Variants in FER observed in about 807,000 individuals in gnomAD.
FER encodes the protein tyrosine-protein kinase Fer.
In FER, 63 loss-of-function variants were observed where a neutral mutation model predicts 111.0. The observed-to-expected ratio is 0.57, with a 90% CI of 0.46 to 0.70. The LOEUF (loss-of-function observed/expected upper bound fraction) is 0.70. Among genes scored for constraint, FER ranks in the 30% least tolerant of loss-of-function variants. FER has a pLI of 0.00. For synonymous variants in FER, 327 were observed against 313.9 expected (o/e 1.04, Z -0.44); for missense variants, 914 against 954.0 (o/e 0.96, Z 0.55).
At chr5:109,040,865 A>G (rs1412500567) in intron 14 of FER, among the ~76,000 whole-genome samples, 5 of 152,166 alleles carry the variant, frequency 3.3e-5, no homozygotes, top group East Asian at 1.9e-4. Flanking sequence ...TTAGTTCACA[A>G]TGGAGGATTG....
intron 13 of FER, among the ~76,000 whole-genome samples, chr5:108,974,845 G>A (rs1444500908): frequency 6.6e-6 from 1 of 152,150 alleles, no homozygotes; most frequent in Non-Finnish European, 1.5e-5. Flanking sequence ...CTTATAACCT[G>A]CAAAAAGAAC....
At chr5:108,823,429 C>T (rs1034264547) in intron 3 of FER, among the ~76,000 whole-genome samples, 3 of 152,160 alleles carry the variant, frequency 2.0e-5, no homozygotes, top group Non-Finnish European at 2.9e-5. Context: ...TTCTTCACAT[C>T]TTTGTCAACA....
At chr5:108,848,456 T>C (rs868006480) in intron 5 of FER, among the ~76,000 whole-genome samples, 1 of 152,156 alleles carries the variant, frequency 6.6e-6, no homozygotes, top group African/African-American at 2.4e-5. Flanking sequence ...AAGATTCTTA[T>C]CTCTTCTGCT....
intron 13 of FER, among the ~76,000 whole-genome samples, chr5:108,962,281 TC>T (rs1759247978): frequency 1.3e-5 from 2 of 152,198 alleles, no homozygotes; most frequent in African/African-American, 4.8e-5. Context: ...GGGTTATTAA[TC>T]ACCCGTTATC....
intron 9 of FER, among the ~76,000 whole-genome samples, chr5:108,885,733 G>C (rs914565707): frequency 6.6e-6 from 1 of 151,718 alleles, no homozygotes; most frequent in African/African-American, 2.4e-5. Flanking sequence ...TGTATTAGGA[G>C]TTTTCAACAT....
intron 13 of FER, among the ~76,000 whole-genome samples, chr5:109,026,179 A>T (rs1768706074): frequency 6.6e-6 from 1 of 152,182 alleles, no homozygotes; most frequent in Non-Finnish European, 1.5e-5. Flanking sequence ...AGAACCAATT[A>T]AAATCCTTTC....
chr5:109,100,223 G>C (rs1748063018), intron 16 of FER, among the ~76,000 whole-genome samples, 173 bp from the exon 17 acceptor site: 1 of 151,772 alleles, frequency 6.6e-6, no homozygotes, highest in African/African-American at 2.4e-5. Flanking sequence ...TTTCTAATAT[G>C]TTGTGTTCTT....
At chr5:108,927,250 C>CTTTTTTTTTTTTTTTTTTTTT (rs773963733) in intron 10 of FER, among the ~76,000 whole-genome samples, 5 of 95,356 alleles carry the variant, frequency 5.2e-5, no homozygotes, top group African/African-American at 7.4e-5. Context: ...TGAGAAGTGG[C>CTTTTTTTTTTTTTTTTTTTTT]TCTTTTTTTT....
chr5:108,818,446 A>G (rs1413849613), intron 3 of FER, among the ~76,000 whole-genome samples: 2 of 152,146 alleles, frequency 1.3e-5, no homozygotes, highest in Non-Finnish European at 2.9e-5. Context: ...TCCAAAAAAA[A>G]GATAAAAAGA....
intron 16 of FER, among the ~76,000 whole-genome samples, chr5:109,047,437 C>A (rs761041754): frequency 6.6e-6 from 1 of 152,096 alleles, no homozygotes; most frequent in Non-Finnish European, 1.5e-5. Flanking sequence ...AATATAGTTA[C>A]ACATGGAATT....
At chr5:109,118,306 A>G (rs1165827379) in intron 17 of FER, among the ~76,000 whole-genome samples, 1 of 152,120 alleles carries the variant, frequency 6.6e-6, no homozygotes, top group Non-Finnish European at 1.5e-5. Flanking sequence ...GCTGGATTAT[A>G]TTTATTGATT....
intron 10 of FER, among the ~76,000 whole-genome samples, chr5:108,940,160 G>A (rs945030935): frequency 3.3e-5 from 5 of 152,002 alleles, no homozygotes; most frequent in Non-Finnish European, 7.4e-5. Context: ...TATTTTCTGA[G>A]GAATGTAGCC....
chr5:109,018,807 A>C (rs953536680), intron 13 of FER, among the ~76,000 whole-genome samples: 4 of 151,714 alleles, frequency 2.6e-5, no homozygotes, highest in African/African-American at 4.8e-5. Flanking sequence ...TAAGTAGTAG[A>C]GTTGGATTTC....
rs564325288 is a variant in FER, at chr5:109,088,586, A to G, written c.1925-11810A>G. On this transcript the variant is annotated intron_variant, in intron 16 of 19. Transcript: ENST00000281092. ...AATTATCTGCTGATTGCAAAGATAC[A>G]AAGATGAAAAGTATTATTTTTCTTA... is the stretch of plus-strand genomic sequence containing the variant. Among the ~76,000 whole-genome samples, 45 of 152,240 alleles carry G rather than the reference A, an allele frequency of 3.0e-4. No individual in the cohort carries two copies. In the South Asian group the frequency reaches 9.1e-3, roughly 31 times the overall value.
At chr5:108,843,197 G>C (rs1042776721) in intron 5 of FER, among the ~76,000 whole-genome samples, 1 of 152,128 alleles carries the variant, frequency 6.6e-6, no homozygotes, top group Non-Finnish European at 1.5e-5. Context: ...ACTTCACTTA[G>C]AATAATAGTC....
chr5:108,885,630 G>A (rs1004508209), intron 9 of FER, among the ~76,000 whole-genome samples: 17 of 151,546 alleles, frequency 1.1e-4, no homozygotes, highest in African/African-American at 4.1e-4. Context: ...AGAGCTCCCC[G>A]GGATCTCTTT....
chr5:109,062,566 T>C (rs916571404), intron 16 of FER, among the ~76,000 whole-genome samples: 6 of 152,026 alleles, frequency 3.9e-5, no homozygotes, highest in Admixed American at 2.6e-4. Flanking sequence ...TATTATGTTA[T>C]ATGTAAAATA....
chr5:108,818,448 A>G (rs1173850177), intron 3 of FER, among the ~76,000 whole-genome samples: 3 of 152,178 alleles, frequency 2.0e-5, no homozygotes, highest in Non-Finnish European at 4.4e-5. Context: ...CAAAAAAAAG[A>G]TAAAAAGAAT....
chr5:108,817,351 A>T (rs1758393596), intron 3 of FER, among the ~76,000 whole-genome samples: 1 of 152,154 alleles, frequency 6.6e-6, no homozygotes, highest in African/African-American at 2.4e-5. Context: ...AGAGACTCCA[A>T]AAACATTCTT....
Sources: allele counts gnomAD v4.1 joint callset (sites outside exome capture counted in the v4.1 genomes callset), GRCh38; gene constraint gnomAD v4.1.1; transcripts MANE v1.5; gene names NCBI Gene and HGNC (gene_info 2026-07-23, HGNC 2026-07-21).